Variants in MTNAP1 observed in about 807,000 individuals in gnomAD.
MTNAP1 encodes mitochondrial nucleoid-associated protein 1.
the MTNAP1 span, chr17:73,248,860 A>G: frequency 3.5e-6 from 1 of 288,362 alleles, no homozygotes; most frequent in East Asian, 7.4e-5. Flanking sequence ...TGTTAAAAAT[A>G]AAATCATTTT....
the MTNAP1 span, among the ~76,000 whole-genome samples, chr17:73,241,348 CG>C: frequency 2.0e-5 from 3 of 152,016 alleles, no homozygotes; most frequent in South Asian, 6.2e-4. Flanking sequence ...TTAGTAGAGA[CG>C]GGGTTTTACA....
the MTNAP1 span, chr17:73,244,748 G>A: frequency 6.4e-6 from 1 of 155,556 alleles, no homozygotes; most frequent in African/African-American, 2.4e-5. Context: ...GGATTCGTTT[G>A]ATGAAATCAG....
chr17:73,246,128 G>A, the MTNAP1 span, among the ~76,000 whole-genome samples: 6 of 152,142 alleles, frequency 3.9e-5, no homozygotes, highest in Non-Finnish European at 8.8e-5. Context: ...CCTTTCTAAC[G>A]TAGAGGGTTA....
At chr17:73,243,080 T>TTTTTTTTTC in the MTNAP1 span, 2 of 649,482 alleles carry the variant, frequency 3.1e-6, no homozygotes, top group Admixed American at 3.5e-5. Context: ...TCTCTGAATT[T>TTTTTTTTTC]TTTTTTTTTT....
the MTNAP1 span, chr17:73,235,780 T>G: frequency 6.2e-7 from 1 of 1,614,146 alleles, no homozygotes; most frequent in Non-Finnish European, 8.5e-7. Flanking sequence ...AGCTGTTGGT[T>G]TGGAAAGAGC....
the MTNAP1 span, among the ~76,000 whole-genome samples, chr17:73,241,495 C>T: frequency 1.3e-5 from 2 of 152,186 alleles, no homozygotes; most frequent in African/African-American, 2.4e-5. Context: ...TTAAGTTATT[C>T]ATGCACTGAA....
chr17:73,244,583 A>C, the MTNAP1 span: 2 of 145,742 alleles, frequency 1.4e-5, no homozygotes, highest in Admixed American at 6.9e-5. Context: ...AAAAAAAAAA[A>C]CCACCAGTAT....
the MTNAP1 span, among the ~76,000 whole-genome samples, chr17:73,237,793 T>A: frequency 2.0e-5 from 3 of 152,134 alleles, no homozygotes; most frequent in Non-Finnish European, 4.4e-5. Flanking sequence ...CAAAGTAGGA[T>A]GCAGGTGGTA....
the MTNAP1 span, chr17:73,236,736 T>TATC: frequency 6.2e-7 from 1 of 1,614,150 alleles, no homozygotes; most frequent in South Asian, 1.1e-5. Flanking sequence ...CCAAATCTGA[T>TATC]AGTCAGTTCC....
the MTNAP1 span, chr17:73,248,292 G>A: frequency 1.7e-6 from 1 of 578,286 alleles, no homozygotes; most frequent in Non-Finnish European, 3.1e-6. Context: ...ACAGAAGCCA[G>A]TACGCTTCAG....
the MTNAP1 span, chr17:73,247,404 G>A: frequency 5.8e-6 from 9 of 1,549,984 alleles, no homozygotes; most frequent in Non-Finnish European, 8.0e-6. Flanking sequence ...GCCCTGTGTT[G>A]CCCACTGAAT....
the MTNAP1 span, chr17:73,245,156 G>C: frequency 3.1e-6 from 5 of 1,613,614 alleles, no homozygotes; most frequent in East Asian, 4.5e-5. Context: ...ATTTGTCTCT[G>C]TTTATCCAAA....
At chr17:73,239,557 CT>C in the MTNAP1 span, among the ~76,000 whole-genome samples, 11 of 140,628 alleles carry the variant, frequency 7.8e-5, no homozygotes, top group Non-Finnish European at 1.5e-4. Context: ...CTTGCTCTGT[CT>C]CCCAGGCTGG....
the MTNAP1 span, chr17:73,245,261 C>T: frequency 6.4e-7 from 1 of 1,569,844 alleles, no homozygotes; most frequent in Non-Finnish European, 8.6e-7. Flanking sequence ...GCAATACATA[C>T]TTAACAGTTT....
chr17:73,245,280 A>G, the MTNAP1 span: 5 of 1,524,250 alleles, frequency 3.3e-6, no homozygotes, highest in Admixed American at 2.2e-5. Flanking sequence ...TTAAAAATGT[A>G]TAATATTTGG....
chr17:73,233,497 TAAAC>T, the MTNAP1 span, among the ~76,000 whole-genome samples: 20 of 152,234 alleles, frequency 1.3e-4, no homozygotes, highest in Non-Finnish European at 2.2e-4. Context: ...TGTATTATTG[TAAAC>T]AAACAGTCTG....
At chr17:73,241,216 GTA>G in the MTNAP1 span, among the ~76,000 whole-genome samples, 1 of 152,064 alleles carries the variant, frequency 6.6e-6, no homozygotes, top group Non-Finnish European at 1.5e-5. Context: ...GGAGTGCAGT[GTA>G]GCGATCTCTG....
At chr17:73,247,359 G>A in the MTNAP1 span, 2 of 1,613,916 alleles carry the variant, frequency 1.2e-6, no homozygotes, top group East Asian at 2.2e-5. Context: ...GTTTAAGTAG[G>A]AGAAGCCTTC....
the MTNAP1 span, chr17:73,236,617 C>T: frequency 8.1e-6 from 13 of 1,614,190 alleles, no homozygotes; most frequent in Non-Finnish European, 1.1e-5. Flanking sequence ...TCTTGCCTCT[C>T]TAGCTACAAC....
Sources: gnomAD v4.1 joint callset for allele counts (sites outside exome capture counted in the v4.1 genomes callset) on GRCh38, gnomAD v4.1.1 for gene constraint, MANE v1.5 for transcripts, NCBI Gene and HGNC (gene_info 2026-07-23, HGNC 2026-07-21) for gene names.